The following BNC1 variants were observed in gnomAD, a reference collection of about 807,000 sequenced individuals.
BNC1 encodes zinc finger protein basonuclin-1.
Under a neutral mutation model 66.5 loss-of-function variants are expected in BNC1, and 8 were observed. The ratio of observed to expected loss-of-function variants is 0.12; its 90% confidence interval spans 0.07 to 0.22. The LOEUF (loss-of-function observed/expected upper bound fraction) is 0.22. Ranked by LOEUF, BNC1 falls within the 10% of genes least tolerant of loss-of-function variation. BNC1 has a pLI of 1.00. For missense variants in BNC1, 1,069 were observed against 1,241.3 expected (o/e 0.86, Z 2.09); for synonymous variants, 454 against 452.6 (o/e 1.00, Z -0.04).
In BNC1 at chr15:83,263,451, C is replaced by G. The variant is rs761888003; in HGVS notation, c.1800G>C (p.Lys600Asn). 20 of 1,614,118 alleles carry G rather than the reference C, an allele frequency of 1.2e-5. No individual in the cohort carries two copies. In the Admixed American group the frequency reaches 1.8e-4, roughly 15 times the overall value. Residue 600 changes from lysine (K) to asparagine (N), a missense_variant, in exon 4 of 5, where the codon AAG (lysine) becomes AAC (asparagine). Transcript: ENST00000345382. The part of the protein sequence containing the change: ...EQHVQSGGLG[K>N]PFPEGERPCH... ...AGGGCCTCTCCCCTTCAGGGAAAGGCTTCCCTAAGCCTCCTGACTGTACAT... is the reference window on the plus strand; with the variant it reads ...AGGGCCTCTCCCCTTCAGGGAAAGGGTTCCCTAAGCCTCCTGACTGTACAT...
chr15:83,274,895 T>G (rs2038304614), intron 1 of BNC1, among the ~76,000 whole-genome samples: 1 of 152,218 alleles, frequency 6.6e-6, no homozygotes, highest in South Asian at 2.1e-4. Context: ...GATTACGCCT[T>G]GAAATATCAG....
chr15:83,259,739 TACTCA>T (rs1199586437), intron 4 of BNC1, among the ~76,000 whole-genome samples: 1 of 152,246 alleles, frequency 6.6e-6, no homozygotes, highest in Non-Finnish European at 1.5e-5. Flanking sequence ...CTGGGACTCA[TACTCA>T]ACTCCTGAGT....
chr15:83,264,224 C>T lies in BNC1; in HGVS notation c.1027G>A (p.Val343Met), dbSNP rs1426036491. Residue 343 changes from valine (V) to methionine (M), a missense_variant, in exon 4 of 5, where the codon GTG (valine) becomes ATG (methionine). This residue lies in a region of BNC1 where 82 missense variants were observed against 136.3 expected (regional missense o/e 0.60). Transcript: ENST00000345382. The part of the protein sequence containing the change: ...ERTQLSPEAK[V>M]KPERNSLGTK... ...CCAAGGCTATTCCTCTCAGGCTTCA[C>T]TTTGGCCTCAGGGGATAACTGTGTC... is the stretch of plus-strand genomic sequence containing the variant. The T allele has an allele frequency of 6.2e-7, 1 of 1,614,218 alleles. No homozygotes were observed.
rs373784768 is a variant in BNC1, at chr15:83,262,967, G to A, written c.2284C>T (p.Arg762Cys). ...VEGCNATFPSRRSRDRHSSNL... is the reference protein window; with the variant it reads ...VEGCNATFPSCRSRDRHSSNL... ...ATGCCTTACCTGTCTCTGCTCCTGC[G>A]GGAGGGAAAGGTAGCATTACAGCCC... is the stretch of plus-strand genomic sequence containing the variant. Residue 762 changes from arginine to cysteine, a missense_variant, in exon 4 of 5, where the codon CGC becomes TGC. By Grantham distance (180) the Arg-to-Cys change is radical (BLOSUM62 -3). Transcript: ENST00000345382. 30 of 1,608,044 alleles carry A rather than the reference G, an allele frequency of 1.9e-5. No homozygotes were observed. Among genetic ancestry groups the A allele is most frequent in the Non-Finnish European group, 2.2e-5 (26 of 1,176,272 alleles).
chr15:83,261,837 C>T (rs959476203), intron 4 of BNC1, among the ~76,000 whole-genome samples: 15 of 152,128 alleles, frequency 9.9e-5, no homozygotes, highest in African/African-American at 3.4e-4. Flanking sequence ...TTTAAAAAAC[C>T]TTCAATCAAG....
At chr15:83,267,105 A>G (rs759797075) in intron 2 of BNC1, 34 bp from the exon 3 acceptor site, 6 of 1,556,342 alleles carry the variant, frequency 3.9e-6, no homozygotes, top group African/African-American at 1.4e-5. Flanking sequence ...GTCATTTTGA[A>G]AAGTTCTAAT....
At chr15:83,272,306 A>G (rs1037520718) in intron 1 of BNC1, among the ~76,000 whole-genome samples, 9 of 151,780 alleles carry the variant, frequency 5.9e-5, no homozygotes, top group Admixed American at 1.3e-4. Context: ...TCTCGGCTCA[A>G]TGCAACCTCC....
chr15:83,284,470 C>G, intron 1 of BNC1, 60 bp downstream of exon 1: 1 of 1,085,544 alleles, frequency 9.2e-7, no homozygotes, highest in Non-Finnish European at 1.1e-6. Flanking sequence ...CCAGCGGCGT[C>G]CCGGGCCGCC....
intron 1 of BNC1, among the ~76,000 whole-genome samples, chr15:83,271,339 A>G (rs2038267682): frequency 6.6e-6 from 1 of 152,222 alleles, no homozygotes; most frequent in Non-Finnish European, 1.5e-5. Context: ...TTGGACTAGA[A>G]TGGGTTTGAA....
intron 1 of BNC1, among the ~76,000 whole-genome samples, chr15:83,281,018 G>A (rs2038372267): frequency 6.6e-6 from 1 of 152,180 alleles, no homozygotes; most frequent in South Asian, 2.1e-4. Flanking sequence ...TCCATGTGTA[G>A]ACGGCAAGAG....
chr15:83,281,004 T>C (rs1437063652), intron 1 of BNC1, among the ~76,000 whole-genome samples: 1 of 152,206 alleles, frequency 6.6e-6, no homozygotes, highest in Non-Finnish European at 1.5e-5. Flanking sequence ...TTTATAATAA[T>C]GAGTCCATGT....
At chr15:83,268,083 T>C in intron 2 of BNC1, 50 bp downstream of exon 2, 1 of 1,468,030 alleles carries the variant, frequency 6.8e-7, no homozygotes, top group Non-Finnish European at 9.5e-7. Context: ...TAACTCTAAG[T>C]TACTTAGAGG....
intron 1 of BNC1, among the ~76,000 whole-genome samples, chr15:83,273,129 C>T (rs904957919): frequency 6.6e-6 from 1 of 152,160 alleles, no homozygotes; most frequent in African/African-American, 2.4e-5. Flanking sequence ...TCTTGTGGTT[C>T]TCCATGAGCC....
intron 1 of BNC1, among the ~76,000 whole-genome samples, chr15:83,283,971 G>A (rs2038413667): frequency 6.6e-6 from 1 of 152,082 alleles, no homozygotes; most frequent in Non-Finnish European, 1.5e-5. Context: ...CCTCACGGCC[G>A]CCCGCCCGTC....
At chr15:83,283,533 C>T in intron 1 of BNC1, 1 of 984,976 alleles carries the variant, frequency 1.0e-6, no homozygotes, top group Non-Finnish European at 1.2e-6. Context: ...TAAGGGAGCT[C>T]GAAGTCGGGG....
chr15:83,256,586 G>A lies in BNC1; in HGVS notation c.*856C>T, dbSNP rs1484677528. On this transcript the variant is annotated 3_prime_UTR_variant, in exon 5 of 5. Transcript: ENST00000345382. ...CATTCATTCCACAGGTGACCAAAAA[G>A]AACAGAGTTTGAAGTTCACCAAATG... 1 of 152,190 alleles carries A rather than the reference G, an allele frequency of 6.6e-6. No individual in the cohort carries two copies. The highest frequency in any genetic ancestry group is 1.9e-4 in the East Asian group (1 of 5,192). 9.4% of individuals were successfully genotyped at this position (152,190 alleles called of 1,614,324 possible). A position where few individuals can be genotyped will look rare whatever the true frequency, so the allele number is the denominator to read the frequency against.
At chr15:83,281,404 C>G (rs996718193) in intron 1 of BNC1, among the ~76,000 whole-genome samples, 1 of 152,066 alleles carries the variant, frequency 6.6e-6, no homozygotes. Context: ...AGAAAAGTAC[C>G]AACTCCCTAA....
At chr15:83,275,299 C>G (rs1452475657) in intron 1 of BNC1, among the ~76,000 whole-genome samples, 1 of 152,260 alleles carries the variant, frequency 6.6e-6, no homozygotes, top group South Asian at 2.1e-4. Flanking sequence ...GGTTCAGGAC[C>G]AGACTGGCCA....
intron 1 of BNC1, among the ~76,000 whole-genome samples, chr15:83,274,014 T>C (rs2038294517): frequency 6.6e-6 from 1 of 152,168 alleles, no homozygotes; most frequent in South Asian, 2.1e-4. Flanking sequence ...GACTAACTGG[T>C]AAGGGGAAGA....
Sources: gnomAD v4.1 joint callset for allele counts (sites outside exome capture counted in the v4.1 genomes callset) on GRCh38, gnomAD v4.1.1 for gene constraint, gnomAD v4.1.1 regional missense constraint, MANE v1.5 for transcripts, NCBI Gene and HGNC (gene_info 2026-07-23, HGNC 2026-07-21) for gene names.